The following SLC4A7 variants were observed in gnomAD, a reference collection of about 807,000 sequenced individuals.
The protein encoded by SLC4A7 is sodium bicarbonate cotransporter 3.
SLC4A7 carries 51 observed loss-of-function variants against 137.6 expected under a neutral mutation model. That is an observed-to-expected ratio of 0.37 (90% CI 0.30 to 0.47). The LOEUF is 0.47. Ranked by LOEUF, SLC4A7 falls within the 20% of genes least tolerant of loss-of-function variation. The pLI, the probability that SLC4A7 is intolerant of heterozygous loss-of-function variation, is 1.00. For synonymous variants in SLC4A7, 542 were observed against 518.6 expected, an observed-to-expected ratio of 1.05 and a Z score of -0.61; for missense variants, 1,247 against 1,525.4, an observed-to-expected ratio of 0.82 and a Z score of 3.04.
At chr3:27,473,461 T>C (rs1019102017) in intron 1 of SLC4A7, among the ~76,000 whole-genome samples, 3 of 151,968 alleles carry the variant, frequency 2.0e-5, no homozygotes, top group African/African-American at 7.3e-5. Context: ...ATCATGCCCA[T>C]AATCCCAGCA....
At chr3:27,418,418 TCA>T in intron 11 of SLC4A7, 66 bp downstream of exon 11, 1 of 1,327,550 alleles carries the variant, frequency 7.5e-7, no homozygotes, top group Non-Finnish European at 1.0e-6. Flanking sequence ...GGTTTTTGAA[TCA>T]CACCTAATCA....
intron 2 of SLC4A7, among the ~76,000 whole-genome samples, chr3:27,449,489 A>T (rs1455956409): frequency 6.6e-6 from 1 of 151,894 alleles, no homozygotes; most frequent in African/African-American, 2.4e-5. Flanking sequence ...AGTCCAAATT[A>T]CTGAGAGCTA....
At chr3:27,430,692 G>T (rs1379983362) in intron 7 of SLC4A7, among the ~76,000 whole-genome samples, 1 of 150,824 alleles carries the variant, frequency 6.6e-6, no homozygotes, top group Non-Finnish European at 1.5e-5. Flanking sequence ...TTAGCCAGAC[G>T]TGGTGGCTCA....
chr3:27,469,763 T>A (rs1205160825), intron 1 of SLC4A7, among the ~76,000 whole-genome samples: 1 of 151,918 alleles, frequency 6.6e-6, no homozygotes, highest in East Asian at 1.9e-4. Flanking sequence ...CAAAAAAAAA[T>A]AATAAAATAA....
Position 27,379,328 on chromosome 3 carries a change from C to G in SLC4A7, c.3619G>C (p.Asp1207His), listed in dbSNP as rs755259779. The G allele has an allele frequency of 5.0e-5, 77 of 1,534,646 alleles. No homozygotes were observed. The highest frequency in any genetic ancestry group is 6.5e-5 in the Non-Finnish European group (74 of 1,145,470). Reference sequence around the variant, plus strand: ...CACTGTGCAGTTTTGGCCATTTCATCTGATATGTTAACAATTGAGGGATCA... The same window carrying G: ...CACTGTGCAGTTTTGGCCATTTCATGTGATATGTTAACAATTGAGGGATCA... ...SVDPSIVNIS[D>H]EMAKTAQWKA... Residue 1207 changes from aspartate to histidine, a missense_variant, in exon 25 of 26, where the codon GAT (aspartate) becomes CAT (histidine). Around this residue, in one of 6 missense-constraint regions of SLC4A7, gnomAD observed 290 missense variants for 323.8 expected, o/e 0.90. Transcript: ENST00000454389.
intron 1 of SLC4A7, among the ~76,000 whole-genome samples, chr3:27,482,699 G>A (rs574115225): frequency 1.3e-5 from 2 of 152,134 alleles, no homozygotes; most frequent in South Asian, 4.2e-4. Flanking sequence ...TTGAACCTGG[G>A]AGGAGGAGGT....
chr3:27,436,219 C>T (rs1054422580), intron 5 of SLC4A7, among the ~76,000 whole-genome samples, 169 bp downstream of exon 5: 2 of 152,198 alleles, frequency 1.3e-5, no homozygotes, highest in Admixed American at 6.5e-5. Flanking sequence ...TGATACTACA[C>T]TTATGTCGGT....
At chr3:27,404,015 A>T (rs1316399098) in intron 14 of SLC4A7, among the ~76,000 whole-genome samples, 2 of 152,240 alleles carry the variant, frequency 1.3e-5, no homozygotes, top group African/African-American at 4.8e-5. Flanking sequence ...GATCCATCAA[A>T]TATGTAATAG....
At chr3:27,480,462 T>G (rs930733976) in intron 1 of SLC4A7, among the ~76,000 whole-genome samples, 1 of 152,126 alleles carries the variant, frequency 6.6e-6, no homozygotes, top group Non-Finnish European at 1.5e-5. Context: ...CCCCCTAGGC[T>G]CAAGTGATCC....
chr3:27,396,420 A>G (rs1456428543), intron 18 of SLC4A7, among the ~76,000 whole-genome samples: 1 of 152,182 alleles, frequency 6.6e-6, no homozygotes, highest in Non-Finnish European at 1.5e-5. Flanking sequence ...GGCCAGGATT[A>G]CAGGAAATTA....
rs754072064 is a variant in SLC4A7, at chr3:27,389,916, C to G, written c.3360+15G>C. 45 of 1,599,614 alleles carry G rather than the reference C, an allele frequency of 2.8e-5. No homozygotes were observed. The East Asian group carries it at 9.9e-4, about 35-fold the overall frequency. ...ATTATTAATTAGTGACAAAATAAGT[C>G]TGAAGAAATCTTACCATCATGGGAA... On this transcript the variant is annotated intron_variant, in intron 22 of 25. Transcript: ENST00000454389.
chr3:27,398,379 A>T, intron 16 of SLC4A7, 26 bp from the exon 17 acceptor site: 1 of 1,576,932 alleles, frequency 6.3e-7, no homozygotes, highest in South Asian at 1.2e-5. Flanking sequence ...AAGAAAAAGC[A>T]GAATGGGGGA....
intron 7 of SLC4A7, 72 bp from the exon 8 acceptor site, chr3:27,424,224 G>C (rs1559729366): frequency 1.4e-6 from 1 of 725,838 alleles, no homozygotes; most frequent in Non-Finnish European, 2.3e-6. Flanking sequence ...CTCACATTCT[G>C]AAAGTGATGA....
intron 18 of SLC4A7, among the ~76,000 whole-genome samples, 174 bp downstream of exon 18, chr3:27,397,510 A>G (rs1347647412): frequency 6.6e-6 from 1 of 151,846 alleles, no homozygotes; most frequent in African/African-American, 2.4e-5. Context: ...TTCTGTCCAT[A>G]TTGTCATTGT....
chr3:27,468,502 T>TA (rs923171528), intron 1 of SLC4A7, among the ~76,000 whole-genome samples: 1 of 152,110 alleles, frequency 6.6e-6, no homozygotes, highest in Non-Finnish European at 1.5e-5. Context: ...GCCCAGGAGT[T>TA]AGAGCTGCAC....
At chr3:27,466,096 T>G (rs1005224539) in intron 1 of SLC4A7, among the ~76,000 whole-genome samples, 2 of 151,980 alleles carry the variant, frequency 1.3e-5, no homozygotes, top group Non-Finnish European at 2.9e-5. Flanking sequence ...GGAATGTAAC[T>G]AGATGTAAAT....
At chr3:27,457,206 A>G (rs2058460861) in intron 1 of SLC4A7, among the ~76,000 whole-genome samples, 1 of 152,172 alleles carries the variant, frequency 6.6e-6, no homozygotes, top group South Asian at 2.1e-4. Flanking sequence ...CCACATCAGG[A>G]TTAAAACAGA....
intron 6 of SLC4A7, among the ~76,000 whole-genome samples, chr3:27,432,852 G>A (rs530075066): frequency 1.3e-3 from 202 of 152,252 alleles, no homozygotes; most frequent in Non-Finnish European, 1.8e-4. Context: ...TTCACCAAAG[G>A]AGAGAATATA....
intron 1 of SLC4A7, among the ~76,000 whole-genome samples, chr3:27,483,412 G>A (rs181491333): frequency 5.3e-5 from 8 of 152,314 alleles, no homozygotes; most frequent in African/African-American, 1.7e-4. Flanking sequence ...GCGGCAGGAG[G>A]ATACTCCCCG....
Sources: allele counts gnomAD v4.1 joint callset (sites outside exome capture counted in the v4.1 genomes callset), GRCh38; gene constraint gnomAD v4.1.1; regional missense constraint gnomAD v4.1.1; transcripts MANE v1.5; gene names NCBI Gene and HGNC (gene_info 2026-07-23, HGNC 2026-07-21).